The following FYB1 variants were observed in gnomAD, a reference collection of about 807,000 sequenced individuals.
FYB1 encodes the protein FYN binding protein 1.
In FYB1, 41 loss-of-function variants were observed where a neutral mutation model predicts 94.1. The observed-to-expected ratio is 0.44, with a 90% CI of 0.34 to 0.57. The LOEUF is 0.57. Ranked by LOEUF, FYB1 falls within the 20% of genes least tolerant of loss-of-function variation. The probability of loss-of-function intolerance (pLI) is 0.02; values close to 1 mark genes in which losing one functional copy is unlikely to be tolerated. For synonymous variants in FYB1, 367 were observed against 353.2 expected (o/e 1.04, Z -0.44); for missense variants, 1,050 against 976.8 (o/e 1.07, Z -1.00).
chr5:39,147,691 C>A (rs1273158410), intron 3 of FYB1, among the ~76,000 whole-genome samples: 1 of 149,054 alleles, frequency 6.7e-6, no homozygotes, highest in African/African-American at 2.5e-5. Flanking sequence ...ATAAAGTCCA[C>A]CTTGTCTTTT....
intron 2 of FYB1, among the ~76,000 whole-genome samples, chr5:39,177,989 T>G (rs1745891439): frequency 6.6e-6 from 1 of 152,234 alleles, no homozygotes; most frequent in South Asian, 2.1e-4. Flanking sequence ...ATAGCTTTCC[T>G]GCAAACACAA....
intron 2 of FYB1, among the ~76,000 whole-genome samples, chr5:39,172,860 C>G (rs1051357079): frequency 6.6e-6 from 1 of 152,092 alleles, no homozygotes; most frequent in Non-Finnish European, 1.5e-5. Flanking sequence ...TGATGGGCAC[C>G]TAGGTTAATT....
At chr5:39,147,783 C>A (rs928148320) in intron 3 of FYB1, among the ~76,000 whole-genome samples, 37 of 150,490 alleles carry the variant, frequency 2.5e-4, no homozygotes, top group Admixed American at 1.4e-3. Flanking sequence ...CAGGTTCACG[C>A]CATTCTCCTG....
intron 1 of FYB1, among the ~76,000 whole-genome samples, chr5:39,231,163 A>AAAAAAAAAAAAAAAAAAAAAAAC (rs1561294075): frequency 5.0e-5 from 6 of 118,978 alleles, no homozygotes; most frequent in Non-Finnish European, 4.8e-5. Context: ...AAAAAAAAAC[A>AAAAAAAAAAAAAAAAAAAAAAAC]AAAAAAAACA....
chr5:39,243,694 G>T (rs957698530), intron 1 of FYB1, among the ~76,000 whole-genome samples: 48 of 152,140 alleles, frequency 3.2e-4, no homozygotes, highest in Admixed American at 1.8e-3. Context: ...ATTGGTAGCT[G>T]GATGGGGATG....
At chr5:39,269,599 C>G (rs1752585834) in intron 1 of FYB1, 1 of 152,324 alleles carries the variant, frequency 6.6e-6, no homozygotes, top group Non-Finnish European at 1.5e-5. Flanking sequence ...TACTCTTTCC[C>G]TATCCTAACT....
intron 16 of FYB1, among the ~76,000 whole-genome samples, chr5:39,113,137 A>G (rs1351466378): frequency 6.6e-6 from 1 of 152,134 alleles, no homozygotes; most frequent in African/African-American, 2.4e-5. Context: ...CAAGTGACTT[A>G]CCATAAATTT....
chr5:39,144,007 T>A (rs538577084), intron 3 of FYB1, among the ~76,000 whole-genome samples: 2 of 152,324 alleles, frequency 1.3e-5, no homozygotes, highest in South Asian at 2.1e-4. Context: ...ACAGACATGA[T>A]GGAATAAGCC....
At position 39,133,915 on chromosome 5, in the gene FYB1, C is replaced by G. The variant is rs76162017; in HGVS notation, c.1817+293G>C. On this transcript the variant is annotated intron_variant, in intron 9 of 18. Coordinates refer to ENST00000512982, the MANE Select transcript of FYB1 (RefSeq NM_001465.6). ...AAATCATATTTCATTAGGCATATCC[C>G]TAAGATCAAGTCATAATGAACATTA... 2.6e-5 allele frequency among the ~76,000 whole-genome samples: 4 copies of G among 152,130 alleles called. No homozygotes were observed. In the East Asian group the frequency reaches 7.7e-4, roughly 29 times the overall value.
chr5:39,243,615 G>A (rs1391560012), intron 1 of FYB1, among the ~76,000 whole-genome samples: 1 of 152,100 alleles, frequency 6.6e-6, no homozygotes. Context: ...GATTGTCTTG[G>A]CAATGCAGGC....
chr5:39,163,471 G>C (rs982980607), intron 2 of FYB1, among the ~76,000 whole-genome samples: 2 of 152,096 alleles, frequency 1.3e-5, no homozygotes, highest in Non-Finnish European at 2.9e-5. Flanking sequence ...AGTACAGAAA[G>C]GCTTTGATCA....
intron 1 of FYB1, among the ~76,000 whole-genome samples, chr5:39,207,709 T>TA (rs1393319958): frequency 6.6e-6 from 1 of 152,212 alleles, no homozygotes; most frequent in Non-Finnish European, 1.5e-5. Context: ...GTTTTATTGT[T>TA]ATATTACTCA....
In FYB1 at chr5:39,269,977, G is replaced by A. The variant is rs146521270; in HGVS notation, c.-28+4426C>T. ...TACTGCTGTAGTTCAGCTATGTTAT[G>A]GGTTAAAGTAGTGCTGGGAACCCAC... On this transcript the variant is annotated intron_variant, in intron 1 of 1. Transcript: ENST00000510188. Among the ~76,000 whole-genome samples, 826 of 152,152 alleles carry A rather than the reference G, an allele frequency of 5.4e-3. 7 individuals carry two copies. Among genetic ancestry groups the A allele is most frequent in the African/African-American group, 0.018 (750 of 41,494 alleles).
chr5:39,147,452 C>CTGTGTGTGTGTGTGTG (rs71606520), intron 3 of FYB1, among the ~76,000 whole-genome samples: 110 of 144,600 alleles, frequency 7.6e-4, no homozygotes, highest in African/African-American at 2.7e-3. Flanking sequence ...GTACATATGC[C>CTGTGTGTGTGTGTGTG]TGTGTGTGTG....
intron 2 of FYB1, among the ~76,000 whole-genome samples, chr5:39,178,399 C>T (rs1030191203): frequency 2.1e-4 from 32 of 152,124 alleles, no homozygotes; most frequent in Non-Finnish European, 4.7e-4. Context: ...TTTACAAGCA[C>T]TTTAGTGGGA....
At position 39,212,694 on chromosome 5, in the gene FYB1, C is replaced by T. The variant is rs182187225; in HGVS notation, c.-28+6749G>A. ...TTTTCTCACCTTTGTTATAATGGTGCTCTTCACTTTGGGTTGCGCTTTTTC... is the reference window on the plus strand; with the variant it reads ...TTTTCTCACCTTTGTTATAATGGTGTTCTTCACTTTGGGTTGCGCTTTTTC... On this transcript the variant is annotated intron_variant, in intron 1 of 18. Coordinates refer to ENST00000512982, the MANE Select transcript of FYB1 (RefSeq NM_001465.6). 7.9e-5 allele frequency: 12 copies of T among 152,292 alleles called. No homozygotes were observed. In the East Asian group the frequency reaches 1.9e-3, roughly 24 times the overall value. The allele number at this position is 152,292 out of a possible 1,614,324, so 9.4% of individuals were successfully genotyped here.
At chr5:39,149,321 T>G (rs928452965) in intron 3 of FYB1, among the ~76,000 whole-genome samples, 2 of 152,164 alleles carry the variant, frequency 1.3e-5, no homozygotes, top group African/African-American at 4.8e-5. Flanking sequence ...CTAAAATTCC[T>G]TCCTTGATCC....
At chr5:39,236,274 C>G (rs1447605815) in intron 1 of FYB1, among the ~76,000 whole-genome samples, 1 of 151,886 alleles carries the variant, frequency 6.6e-6, no homozygotes, top group East Asian at 1.9e-4. Context: ...TTCAAGAGAC[C>G]AGTATGTCTT....
chr5:39,121,306 A>G (rs1189900135), intron 14 of FYB1, among the ~76,000 whole-genome samples: 1 of 152,094 alleles, frequency 6.6e-6, no homozygotes, highest in Non-Finnish European at 1.5e-5. Context: ...GAATTAAAAA[A>G]AGGGCAACGG....
Sources: gnomAD v4.1 joint callset for allele counts (sites outside exome capture counted in the v4.1 genomes callset) on GRCh38, gnomAD v4.1.1 for gene constraint, MANE v1.5 for transcripts, NCBI Gene and HGNC (gene_info 2026-07-23, HGNC 2026-07-21) for gene names.